PHKA1: variants seen among roughly 807,000 people sequenced by gnomAD.
PHKA1 encodes the protein phosphorylase kinase regulatory subunit alpha 1, also known as phosphorylase b kinase regulatory subunit alpha, skeletal muscle isoform.
A neutral mutation model predicts 110.2 loss-of-function variants in PHKA1; 60 were observed. The observed-to-expected ratio is 0.54, with a 90% CI of 0.44 to 0.68. The LOEUF is 0.68. Among genes scored for constraint, PHKA1 ranks in the 30% least tolerant of loss-of-function variants. PHKA1 has a pLI of 0.00. For missense variants in PHKA1, 801 were observed against 942.5 expected, an observed-to-expected ratio of 0.85 and a Z score of 1.97; for synonymous variants, 316 against 333.6, an observed-to-expected ratio of 0.95 and a Z score of 0.58.
intron 25 of PHKA1, 150 bp downstream of exon 25, chrX:72,605,121 T>C (rs2052709645): frequency 3.8e-6 from 2 of 522,576 alleles, no homozygotes; most frequent in East Asian, 3.7e-5. Flanking sequence ...TTGACTTGCA[T>C]AAATAGTGAC....
chrX:72,582,436 T>C lies in PHKA1; in HGVS notation c.3460A>G (p.Ile1154Val), dbSNP rs2052350827. Residue 1154 changes from isoleucine to valine, a missense_variant, in exon 31 of 32, where the codon ATA becomes GTA. By Grantham distance (29) the Ile-to-Val change is conservative (BLOSUM62 3). This residue lies in a region of PHKA1 where 502 missense variants were observed against 519.2 expected (regional missense o/e 0.97). Coordinates refer to ENST00000373542, the MANE Select transcript of PHKA1 (RefSeq NM_002637.4). Reference sequence around the variant, plus strand: ...AACAAGTCATTGGCAATATGCACTATTTTTTCCACAGCAATGATGCTTCCG... The same window carrying C: ...AACAAGTCATTGGCAATATGCACTACTTTTTCCACAGCAATGATGCTTCCG... ...SIGSIIAVEKIVHIANDLFLQ... is the reference protein window; with the variant it reads ...SIGSIIAVEKVVHIANDLFLQ... 3 of 1,207,077 alleles carry C rather than the reference T, an allele frequency of 2.5e-6. No individual in the cohort carries two copies. Among genetic ancestry groups the C allele is most frequent in the East Asian group, 3.0e-5 (1 of 33,839 alleles).
intron 6 of PHKA1, among the ~76,000 whole-genome samples, chrX:72,668,741 C>A (rs2053643678): frequency 9.0e-6 from 1 of 111,329 alleles, no homozygotes; most frequent in Non-Finnish European, 1.9e-5. Context: ...CTTACCCTCA[C>A]CAAACTCATG....
At chrX:72,616,420 AATG>A (rs1228904096) in intron 21 of PHKA1, among the ~76,000 whole-genome samples, 5 of 112,103 alleles carry the variant, frequency 4.5e-5, no homozygotes, top group Non-Finnish European at 7.5e-5. Context: ...GTCACCATAT[AATG>A]ATAAGGGGGA....
intron 14 of PHKA1, among the ~76,000 whole-genome samples, chrX:72,638,215 G>T (rs1253349505): frequency 1.8e-5 from 2 of 109,279 alleles, no homozygotes; most frequent in Non-Finnish European, 3.8e-5. Flanking sequence ...CAATTTGGAT[G>T]TCTTTTATAT....
intron 25 of PHKA1, among the ~76,000 whole-genome samples, chrX:72,605,030 G>A (rs1227632328): frequency 9.0e-6 from 1 of 111,519 alleles, no homozygotes; most frequent in Non-Finnish European, 1.9e-5. Context: ...TAAGTCAAGA[G>A]GGATTTGGAG....
chrX:72,711,080 C>T (rs1556334525), intron 2 of PHKA1, among the ~76,000 whole-genome samples: 1 of 108,270 alleles, frequency 9.2e-6, no homozygotes, highest in Non-Finnish European at 1.9e-5. Flanking sequence ...CCAGGATGGT[C>T]TCGATCTCCT....
chrX:72,621,876 C>T (rs1201178226), intron 18 of PHKA1: 14 of 751,252 alleles, frequency 1.9e-5, no homozygotes, highest in Non-Finnish European at 2.2e-5. Flanking sequence ...GATGAGTAAA[C>T]CCGGAACTAG....
chrX:72,584,143 G>T, intron 30 of PHKA1, 106 bp downstream of exon 30: 2 of 663,579 alleles, frequency 3.0e-6, no homozygotes, highest in Admixed American at 2.6e-5. Flanking sequence ...ATGTTCAGTT[G>T]ATTTATAAAA....
chrX:72,620,892 C>A lies in PHKA1; in HGVS notation c.1970G>T (p.Gly657Val). 8.3e-7 allele frequency: 1 copy of A among 1,210,601 alleles called. No individual in the cohort carries two copies. The highest frequency in any genetic ancestry group is 1.1e-6 in the Non-Finnish European group (1 of 895,160). The stretch of plus-strand genomic sequence containing the variant: ...ATCTAAATAACGAGCAACTTCATCA[C>A]CACAGCGAGCTGCAAGGTTAGTGGG... ...DYDSTSHARC[G>V]DEVARYLDHL... The change falls in exon 19 of 32, where the codon GGT (glycine) becomes GTT (valine). Residue 657 changes from glycine to valine, a missense_variant. By Grantham distance (109) the Gly-to-Val change is moderately radical. Transcript: ENST00000373542.
intron 25 of PHKA1, 43 bp from the exon 26 acceptor site, chrX:72,603,263 C>T: frequency 1.3e-6 from 1 of 771,861 alleles, no homozygotes; most frequent in Non-Finnish European, 2.0e-6. Flanking sequence ...TCTAATTTGC[C>T]TGCCATGCCC....
chrX:72,708,531 G>C (rs1429284649), intron 2 of PHKA1, among the ~76,000 whole-genome samples: 1 of 111,520 alleles, frequency 9.0e-6, no homozygotes, highest in Non-Finnish European at 1.9e-5. Flanking sequence ...GATTGTCGAG[G>C]ATGGAAATAA....
intron 3 of PHKA1, 63 bp downstream of exon 3, chrX:72,705,134 TA>T (rs2147841208): frequency 1.2e-6 from 1 of 841,582 alleles, no homozygotes; most frequent in Non-Finnish European, 1.8e-6. Context: ...AAACATTCCC[TA>T]AAGGGTAGAG....
At chrX:72,649,094 G>A (rs1373238611) in intron 13 of PHKA1, among the ~76,000 whole-genome samples, 1 of 112,308 alleles carries the variant, frequency 8.9e-6, no homozygotes, top group African/African-American at 3.2e-5. Flanking sequence ...AGGAGAACAA[G>A]ATCTCTCATG....
chrX:72,712,964 G>A, intron 1 of PHKA1, 27 bp from the exon 2 acceptor site: 1 of 1,205,937 alleles, frequency 8.3e-7, no homozygotes, highest in Non-Finnish European at 1.1e-6. Context: ...AAGAGGGCAG[G>A]AAGGTAACCA....
intron 14 of PHKA1, among the ~76,000 whole-genome samples, chrX:72,636,773 A>G (rs1232262268): frequency 2.7e-5 from 3 of 112,645 alleles, no homozygotes; most frequent in Admixed American, 9.4e-5. Flanking sequence ...ATATGCTTTC[A>G]TGTCAGTACT....
chrX:72,652,614 C>T lies in PHKA1; in HGVS notation c.1175G>A (p.Arg392Gln). 1 of 1,189,210 alleles carries T rather than the reference C, an allele frequency of 8.4e-7. No homozygotes were observed. Among genetic ancestry groups the T allele is most frequent in the Non-Finnish European group, 1.1e-6 (1 of 875,433 alleles). The change falls in exon 12 of 32, where the codon CGA becomes CAA. Residue 392 changes from arginine (R) to glutamine (Q), a missense_variant. Arg to Gln is a conservative substitution (Grantham distance 43, BLOSUM62 1). Transcript: ENST00000373542. Reference protein sequence around the residue: ...EEYQNPHTVDRVPMGKLPHMW... With the variant: ...EEYQNPHTVDQVPMGKLPHMW... ...GTGAGGCAATTTCCCCATGGGGACT[C>T]GGTCCACAGTGTGAGGATTCTGATA... is the stretch of plus-strand genomic sequence containing the variant.
In PHKA1 at chrX:72,623,311, G is replaced by A. The variant is rs782248343; in HGVS notation, c.1794-36C>T. Reference sequence around the variant, plus strand: ...GAGGAGGATAGAAAACAGAAAATCAGGGGTGATCCTTTTTAAACAACACAA... The same window carrying A: ...GAGGAGGATAGAAAACAGAAAATCAAGGGTGATCCTTTTTAAACAACACAA... On this transcript the variant is annotated intron_variant, in intron 17 of 31. Coordinates refer to ENST00000373542, the MANE Select transcript of PHKA1 (RefSeq NM_002637.4). The A allele has an allele frequency of 9.1e-6, 10 of 1,104,932 alleles. No homozygotes were observed. The South Asian group carries it at 1.7e-4, about 19-fold the overall frequency. The allele number at this position is 1,104,932 out of a possible 1,213,427, so 91.1% of individuals were successfully genotyped here.
chrX:72,667,006 T>C (rs1029056560), intron 7 of PHKA1, among the ~76,000 whole-genome samples: 2 of 112,482 alleles, frequency 1.8e-5, no homozygotes, highest in African/African-American at 3.2e-5. Context: ...AACAAGAGAA[T>C]GTTTCAGAAA....
Position 72,609,532 on chromosome X carries a change from A to T in PHKA1, c.2606+92T>A. 6.5e-6 allele frequency: 4 copies of T among 616,757 alleles called. No individual in the cohort carries two copies. The South Asian group carries it at 8.8e-5, about 14-fold the overall frequency. 50.8% of individuals were successfully genotyped at this position (616,757 alleles called of 1,213,427 possible). On this transcript the variant is annotated intron_variant, in intron 23 of 31. Transcript: ENST00000373542. ...TCTGATAGAGGTGAACATATGTAGG[A>T]CATTATCATCCACTGACAGATTAGG...
Sources: allele counts gnomAD v4.1 joint callset (sites outside exome capture counted in the v4.1 genomes callset), GRCh38; gene constraint gnomAD v4.1.1; regional missense constraint gnomAD v4.1.1; transcripts MANE v1.5; gene names NCBI Gene and HGNC (gene_info 2026-07-23, HGNC 2026-07-21).